TMTC2: variants seen among roughly 807,000 people sequenced by gnomAD.
TMTC2 encodes protein O-mannosyl-transferase TMTC2.
Under a neutral mutation model 82.4 loss-of-function variants are expected in TMTC2, and 43 were observed. That is an observed-to-expected ratio of 0.52 (90% CI 0.41 to 0.67). The LOEUF is 0.67. TMTC2 is among the 30% of genes least tolerant of loss of function. The pLI is 0.00. For synonymous variants in TMTC2, 408 were observed against 381.9 expected (o/e 1.07, Z -0.80); for missense variants, 919 against 1,012.4 (o/e 0.91, Z 1.25).
At position 82,749,148 on chromosome 12, in the gene TMTC2, C is replaced by T. The variant is rs559184744; in HGVS notation, c.83+61479C>T. ...TTTCACGTCAAATATGTGCATAGCA[C>T]CTCTTTGACGGTGGCTCAGAGTATG... On this transcript the variant is annotated intron_variant, in intron 1 of 11. Transcript: ENST00000321196. Among the ~76,000 whole-genome samples the T allele has an allele frequency of 3.9e-5, 6 of 152,320 alleles. No individual in the cohort carries two copies. The South Asian group carries it at 1.2e-3, about 32-fold the overall frequency.
chr12:82,932,166 A>G (rs551913250), intron 4 of TMTC2, among the ~76,000 whole-genome samples: 29 of 152,284 alleles, frequency 1.9e-4, no homozygotes, highest in African/African-American at 7.0e-4. Context: ...CTAAAAATAA[A>G]CAGAAAAAAT....
chr12:82,930,358 C>T, intron 3 of TMTC2, 73 bp from the exon 4 acceptor site: 1 of 767,062 alleles, frequency 1.3e-6, no homozygotes, highest in Non-Finnish European at 2.1e-6. Flanking sequence ...GTGGTACTTC[C>T]TGATGGCCTG....
intron 11 of TMTC2, among the ~76,000 whole-genome samples, chr12:83,131,318 T>C (rs1055224559): frequency 6.6e-6 from 1 of 152,216 alleles, no homozygotes; most frequent in African/African-American, 2.4e-5. Context: ...GGAGGGACTT[T>C]TGCTGTTGTT....
In TMTC2 at chr12:83,026,441, A is replaced by G. The variant is rs147873957; in HGVS notation, c.2071-4357A>G. Among the ~76,000 whole-genome samples the G allele has an allele frequency of 2.4e-3, 362 of 152,182 alleles. 2 individuals carry two copies. Among genetic ancestry groups the G allele is most frequent in the African/African-American group, 8.4e-3 (347 of 41,534 alleles). The stretch of plus-strand genomic sequence containing the variant: ...ATACATATTTACATAAACACTCAAA[A>G]TCATAATGCAATGCAACAATGTAAG... On this transcript the variant is annotated intron_variant, in intron 8 of 11. Transcript: ENST00000321196.
At position 82,853,790 on chromosome 12, in the gene TMTC2, C is replaced by T. The variant is rs143682456; in HGVS notation, c.84-3220C>T. On this transcript the variant is annotated intron_variant, in intron 1 of 11. Transcript: ENST00000321196. ...GTTTGCCTTTGAGCTCTCCACTGCC[C>T]TGGCCTTGATGGTATGAGGGTTTCT... 3.1e-3 allele frequency among the ~76,000 whole-genome samples: 470 copies of T among 152,262 alleles called. 2 individuals carry two copies. The highest frequency in any genetic ancestry group is 0.011 in the African/African-American group (452 of 41,546).
intron 1 of TMTC2, among the ~76,000 whole-genome samples, chr12:82,783,040 G>T (rs902396628): frequency 8.6e-5 from 13 of 151,916 alleles, no homozygotes; most frequent in Non-Finnish European, 1.6e-4. Flanking sequence ...ATGAAAACAG[G>T]GTACATTAGA....
intron 8 of TMTC2, among the ~76,000 whole-genome samples, chr12:83,021,284 C>G (rs1409698370): frequency 6.6e-6 from 1 of 152,054 alleles, no homozygotes; most frequent in Non-Finnish European, 1.5e-5. Context: ...TTCTGAATTT[C>G]TTCCACACTC....
chr12:82,978,553 A>G (rs1878781333), intron 7 of TMTC2, among the ~76,000 whole-genome samples: 1 of 151,760 alleles, frequency 6.6e-6, no homozygotes, highest in South Asian at 2.1e-4. Context: ...CAGAGAATAT[A>G]CTTGATATAA....
chr12:83,014,158 T>A (rs1465027953), intron 8 of TMTC2, among the ~76,000 whole-genome samples: 2 of 152,130 alleles, frequency 1.3e-5, no homozygotes, highest in African/African-American at 4.8e-5. Context: ...ACTATTTTTT[T>A]ATTTTGTTTT....
chr12:83,032,209 C>T (rs954229843), intron 9 of TMTC2, among the ~76,000 whole-genome samples: 11 of 147,696 alleles, frequency 7.4e-5, no homozygotes, highest in Admixed American at 2.0e-4. Context: ...ACTGATTCTA[C>T]TTACTGCATC....
At chr12:82,959,326 A>G (rs192245229) in intron 4 of TMTC2, among the ~76,000 whole-genome samples, 2 of 152,112 alleles carry the variant, frequency 1.3e-5, no homozygotes, top group African/African-American at 2.4e-5. Context: ...GAAAAACACT[A>G]TTCTAATATA....
At chr12:82,687,734 T>C (rs1214368449) in intron 1 of TMTC2, 65 bp downstream of exon 1, 2 of 1,500,782 alleles carry the variant, frequency 1.3e-6, no homozygotes, top group African/African-American at 2.7e-5. Flanking sequence ...CTCTGAAGCT[T>C]CCCTCTTTAA....
intron 3 of TMTC2, among the ~76,000 whole-genome samples, chr12:82,919,577 A>C (rs1875257783): frequency 6.6e-6 from 1 of 152,184 alleles, no homozygotes; most frequent in Admixed American, 6.5e-5. Flanking sequence ...ATAGAGGCAA[A>C]TTCCTTCCAG....
intron 7 of TMTC2, among the ~76,000 whole-genome samples, chr12:82,974,060 T>C (rs1271903568): frequency 6.6e-6 from 1 of 152,166 alleles, no homozygotes; most frequent in African/African-American, 2.4e-5. Context: ...AGTTTCAATG[T>C]GTTCTGTTCA....
At chr12:82,803,086 CT>C (rs1399281575) in intron 1 of TMTC2, among the ~76,000 whole-genome samples, 2 of 152,096 alleles carry the variant, frequency 1.3e-5, no homozygotes. Context: ...TCCAGGGTGT[CT>C]AGGAACACTG....
In TMTC2 at chr12:83,065,130, A is replaced by T. The variant is rs142381364; in HGVS notation, c.2331+3299A>T. On this transcript the variant is annotated intron_variant, in intron 11 of 11. Coordinates refer to ENST00000321196, the MANE Select transcript of TMTC2 (RefSeq NM_152588.3). ...GTCAGGTCACTACTATACAAAGTAA[A>T]ATATGAAGCTGCAACCTTCATTACA... is the stretch of plus-strand genomic sequence containing the variant. 2.6e-5 allele frequency among the ~76,000 whole-genome samples: 4 copies of T among 152,092 alleles called. No individual in the cohort carries two copies. The East Asian group carries it at 7.7e-4, about 29-fold the overall frequency.
At chr12:82,939,134 G>T (rs924531257) in intron 4 of TMTC2, among the ~76,000 whole-genome samples, 4 of 152,022 alleles carry the variant, frequency 2.6e-5, no homozygotes, top group Non-Finnish European at 4.4e-5. Context: ...AATTACAAGT[G>T]CAGTTGAGTA....
chr12:82,951,725 T>TATAATAA (rs1877356919), intron 4 of TMTC2, among the ~76,000 whole-genome samples: 1 of 152,194 alleles, frequency 6.6e-6, no homozygotes, highest in Non-Finnish European at 1.5e-5. Context: ...AAAATATGTA[T>TATAATAA]TCAATTATGC....
At chr12:82,735,061 G>C (rs1455576745) in intron 1 of TMTC2, among the ~76,000 whole-genome samples, 1 of 152,164 alleles carries the variant, frequency 6.6e-6, no homozygotes, top group Non-Finnish European at 1.5e-5. Context: ...GATACTTATT[G>C]AATCCTAAAC....
Sources: allele counts gnomAD v4.1 joint callset (sites outside exome capture counted in the v4.1 genomes callset), GRCh38; gene constraint gnomAD v4.1.1; transcripts MANE v1.5; gene names NCBI Gene and HGNC (gene_info 2026-07-23, HGNC 2026-07-21).